The following MYOCD variants were observed in gnomAD, a reference collection of about 807,000 sequenced individuals.
The protein encoded by MYOCD is myocardin.
Under a neutral mutation model 96.1 loss-of-function variants are expected in MYOCD, and 32 were observed. The ratio of observed to expected loss-of-function variants is 0.33; its 90% CI spans 0.25 to 0.45. The LOEUF (loss-of-function observed/expected upper bound fraction) is 0.45. Among genes scored for constraint, MYOCD ranks in the 20% least tolerant of loss-of-function variants. MYOCD has a pLI of 1.00. For missense variants in MYOCD, 1,133 were observed against 1,200.6 expected (o/e 0.94, Z 0.83); for synonymous variants, 469 against 469.0 (o/e 1.00, Z 0.00).
intron 9 of MYOCD, among the ~76,000 whole-genome samples, chr17:12,750,866 G>C (rs72635533): frequency 0.017 from 2,519 of 152,080 alleles, 101 homozygotes; most frequent in East Asian, 0.15. Flanking sequence ...TTTCTGAAAA[G>C]CTGGATCATA....
chr17:12,752,833 C>T lies in MYOCD; in HGVS notation c.1545C>T (p.Ser515=), dbSNP rs201624113. ...CTTCTGAGCTGGATGGGCTGGACTCCGAGAAGGACAAGATGCTGGTGGAGA... is the reference window on the plus strand; with the variant it reads ...CTTCTGAGCTGGATGGGCTGGACTCTGAGAAGGACAAGATGCTGGTGGAGA... The part of the protein sequence containing the change: ...SVPSELDGLD[S]EKDKMLVEKQ... Residue 515 remains serine (S), a synonymous_variant, in exon 10 of 14, where the codon TCC becomes TCT. Transcript: ENST00000425538. The T allele has an allele frequency of 6.8e-6, 11 of 1,613,928 alleles. No homozygotes were observed. Among genetic ancestry groups the T allele is most frequent in the Admixed American group, 1.7e-5 (1 of 59,978 alleles).
chr17:12,681,034 A>G (rs1725183938), intron 1 of MYOCD, among the ~76,000 whole-genome samples: 2 of 152,176 alleles, frequency 1.3e-5, no homozygotes, highest in South Asian at 2.1e-4. Context: ...TCCATAGAAG[A>G]AGAAACCAAG....
At position 12,753,010 on chromosome 17, in the gene MYOCD, G is replaced by A. The variant is rs1200703727; in HGVS notation, c.1722G>A (p.Glu574=). Reference sequence around the variant, plus strand: ...TGGCTGCCTCCATCAAGCAGGAAGAGGCTGTCTCCAGCTGTCCTTTTGCAT... The same window carrying A: ...TGGCTGCCTCCATCAAGCAGGAAGAAGCTGTCTCCAGCTGTCCTTTTGCAT... The part of the protein sequence containing the change: ...PFLAASIKQE[E]AVSSCPFASQ... The change falls in exon 10 of 14, where the codon GAG becomes GAA. Residue 574 remains glutamate, a synonymous_variant. Coordinates refer to ENST00000425538, the MANE Select transcript of MYOCD (RefSeq NM_001146312.3). The A allele has an allele frequency of 1.9e-6, 3 of 1,614,050 alleles. No individual in the cohort carries two copies. The African/African-American group carries it at 4.0e-5, about 22-fold the overall frequency.
intron 4 of MYOCD, among the ~76,000 whole-genome samples, chr17:12,722,372 G>A (rs546601981): frequency 8.6e-5 from 13 of 151,658 alleles, no homozygotes; most frequent in South Asian, 6.3e-4. Flanking sequence ...TTTTTCTTTC[G>A]CAACTGACCT....
At chr17:12,717,552 A>G in intron 4 of MYOCD, 131 bp downstream of exon 4, 1 of 730,258 alleles carries the variant, frequency 1.4e-6, no homozygotes, top group African/African-American at 1.8e-5. Context: ...TGGTAGTTTC[A>G]AGTAATCATC....
At position 12,706,963 on chromosome 17, in the gene MYOCD, G is replaced by T. The variant is rs140867941; in HGVS notation, c.121+1770G>T. Reference sequence around the variant, plus strand: ...TGATGAAGGTTTTCCCCAATCTGCAGCTACCTCCTTTCAACCAGGCTTTCC... The same window carrying T: ...TGATGAAGGTTTTCCCCAATCTGCATCTACCTCCTTTCAACCAGGCTTTCC... On this transcript the variant is annotated intron_variant, in intron 2 of 13. Coordinates refer to ENST00000425538, the MANE Select transcript of MYOCD (RefSeq NM_001146312.3). 2.6e-5 allele frequency among the ~76,000 whole-genome samples: 4 copies of T among 152,314 alleles called. No homozygotes were observed. The East Asian group carries it at 7.7e-4, about 29-fold the overall frequency.
At chr17:12,745,202 T>C (rs1567595984) in intron 8 of MYOCD, among the ~76,000 whole-genome samples, 1 of 152,084 alleles carries the variant, frequency 6.6e-6, no homozygotes, top group Non-Finnish European at 1.5e-5. Context: ...TAAATATATT[T>C]ATTTATTTAT....
chr17:12,690,602 A>ATTT (rs1299180864), intron 1 of MYOCD, among the ~76,000 whole-genome samples: 9 of 152,152 alleles, frequency 5.9e-5, no homozygotes, highest in African/African-American at 2.2e-4. Flanking sequence ...AAATGGTCTC[A>ATTT]TTTTTGCATG....
At chr17:12,684,326 G>A (rs947130582) in intron 1 of MYOCD, among the ~76,000 whole-genome samples, 15 of 152,088 alleles carry the variant, frequency 9.9e-5, no homozygotes, top group African/African-American at 3.1e-4. Context: ...TTACTTTGCT[G>A]CTCAAAAACA....
At position 12,762,967 on chromosome 17, in the gene MYOCD, AC is replaced by A. The variant is rs1250910734; in HGVS notation, c.2390-104del. ...AGATGAGACTGGGTGGTGAGCGGTGACCAGGGAAGCGTGGCCATCTTCTGTA... is the reference window on the plus strand; with the variant it reads ...AGATGAGACTGGGTGGTGAGCGGTGACAGGGAAGCGTGGCCATCTTCTGTA... On this transcript the variant is annotated intron_variant, in intron 13 of 13. Transcript: ENST00000425538. 4.5e-6 allele frequency: 4 copies of A among 885,184 alleles called. No homozygotes were observed. In the African/African-American group the frequency reaches 5.0e-5, roughly 11 times the overall value. 54.8% of individuals were successfully genotyped at this position (885,184 alleles called of 1,614,324 possible).
rs1337898003 is a variant in MYOCD at position 12,768,372 on chromosome 17, C to T, written c.*4728C>T. On this transcript the variant is annotated 3_prime_UTR_variant, in exon 14 of 14. Coordinates refer to ENST00000425538, the MANE Select transcript of MYOCD (RefSeq NM_001146312.3). Reference sequence around the variant, plus strand: ...ATCTGCCAGGGAAATTATCACAGGACTCATTGAATGCAATAACATGTGAGT... The same window carrying T: ...ATCTGCCAGGGAAATTATCACAGGATTCATTGAATGCAATAACATGTGAGT... 6.6e-6 allele frequency: 1 copy of T among 152,200 alleles called. No individual in the cohort carries two copies. Among genetic ancestry groups the T allele is most frequent in the Non-Finnish European group, 1.5e-5 (1 of 68,048 alleles). The allele number at this position is 152,200 out of a possible 1,614,324, so 9.4% of individuals were successfully genotyped here.
In MYOCD at chr17:12,766,494, G is replaced by A. The variant is rs879176307; in HGVS notation, c.*2850G>A. On this transcript the variant is annotated 3_prime_UTR_variant, in exon 14 of 14. Coordinates refer to ENST00000425538, the MANE Select transcript of MYOCD (RefSeq NM_001146312.3). The stretch of plus-strand genomic sequence containing the variant: ...ACCGCATTCACCCTCTCTCTTCATA[G>A]CTCAGACATGAAATTTGAGGGAGAA... The A allele has an allele frequency of 1.3e-5, 2 of 152,142 alleles. No homozygotes were observed. The highest frequency in any genetic ancestry group is 4.1e-4 in the South Asian group (2 of 4,822). 9.4% of individuals were successfully genotyped at this position (152,142 alleles called of 1,614,324 possible).
intron 1 of MYOCD, among the ~76,000 whole-genome samples, chr17:12,677,897 T>G (rs1325407370): frequency 4.7e-5 from 4 of 85,554 alleles, no homozygotes; most frequent in African/African-American, 7.9e-5. Flanking sequence ...TTCTTTTTTG[T>G]TTTTTTTTTT....
At chr17:12,712,292 C>T (rs115266012) in intron 2 of MYOCD, among the ~76,000 whole-genome samples, 1,839 of 152,254 alleles carry the variant, frequency 0.012, 38 homozygotes, top group African/African-American at 0.041. Context: ...CTCTTAGTAG[C>T]AATGGATCTG....
At chr17:12,716,954 C>T (rs1299863776) in intron 3 of MYOCD, among the ~76,000 whole-genome samples, 1 of 130,430 alleles carries the variant, frequency 7.7e-6, no homozygotes, top group Non-Finnish European at 1.5e-5. Context: ...TGTGCCACTG[C>T]ATTCCAGCCT....
chr17:12,691,136 A>T (rs993164462), intron 1 of MYOCD, among the ~76,000 whole-genome samples: 2 of 152,176 alleles, frequency 1.3e-5, no homozygotes, highest in African/African-American at 4.8e-5. Context: ...ATTTTCAAAC[A>T]GTAGCTCAAA....
intron 5 of MYOCD, among the ~76,000 whole-genome samples, chr17:12,729,806 G>A (rs1192414934): frequency 2.6e-5 from 4 of 152,080 alleles, no homozygotes; most frequent in Non-Finnish European, 4.4e-5. Context: ...TCCTGACCTC[G>A]TGATCTGCCC....
At chr17:12,741,101 A>C (rs1348856474) in intron 7 of MYOCD, among the ~76,000 whole-genome samples, 1 of 152,164 alleles carries the variant, frequency 6.6e-6, no homozygotes. Context: ...CCACCACTTA[A>C]TGAATGTTAA....
At chr17:12,672,074 T>A (rs1909739920) in intron 1 of MYOCD, 2 of 152,156 alleles carry the variant, frequency 1.3e-5, no homozygotes, top group Admixed American at 1.3e-4. Flanking sequence ...TGGGAATATG[T>A]TTATATTCCC....
Sources: gnomAD v4.1 joint callset for allele counts (sites outside exome capture counted in the v4.1 genomes callset) on GRCh38, gnomAD v4.1.1 for gene constraint, MANE v1.5 for transcripts, NCBI Gene and HGNC (gene_info 2026-07-23, HGNC 2026-07-21) for gene names.